Variants in RARB observed in about 807,000 individuals in gnomAD.
RARB encodes retinoic acid receptor beta.
A neutral mutation model predicts 51.9 loss-of-function variants in RARB; 17 were observed. The observed-to-expected ratio is 0.33, with a 90% CI of 0.22 to 0.49. The LOEUF is 0.49. Ranked by LOEUF, RARB falls within the 20% of genes least tolerant of loss-of-function variation. RARB has a pLI of 0.99. For synonymous variants in RARB, 215 were observed against 195.4 expected (o/e 1.10, Z -0.84); for missense variants, 369 against 550.8 (o/e 0.67, Z 3.30).
intron 2 of RARB, among the ~76,000 whole-genome samples, chr3:24,957,229 A>G (rs767811889): frequency 6.6e-6 from 1 of 152,166 alleles, no homozygotes; most frequent in Admixed American, 6.5e-5. Flanking sequence ...GTTGTTTCCA[A>G]ATATATTCTA....
chr3:25,080,502 C>G (rs117864364), intron 3 of RARB, among the ~76,000 whole-genome samples: 1 of 152,150 alleles, frequency 6.6e-6, no homozygotes, highest in Non-Finnish European at 1.5e-5. Context: ...ACTGTATTTC[C>G]GCAGCAGCTA....
At chr3:25,374,497 C>G (rs886906368) in intron 5 of RARB, among the ~76,000 whole-genome samples, 3 of 152,100 alleles carry the variant, frequency 2.0e-5, no homozygotes, top group Non-Finnish European at 2.9e-5. Flanking sequence ...GTTACCAAAT[C>G]ATGGAGAGTA....
intron 2 of RARB, among the ~76,000 whole-genome samples, chr3:24,917,300 G>C (rs1695126779): frequency 6.6e-6 from 1 of 152,108 alleles, no homozygotes; most frequent in African/African-American, 2.4e-5. Flanking sequence ...ATGATTCATA[G>C]AGGAAAAAAA....
chr3:24,872,221 C>T (rs939445596), intron 2 of RARB, among the ~76,000 whole-genome samples: 1 of 152,148 alleles, frequency 6.6e-6, no homozygotes, highest in African/African-American at 2.4e-5. Flanking sequence ...TACCATTATC[C>T]CCCTTGCACA....
intron 2 of RARB, among the ~76,000 whole-genome samples, chr3:25,030,986 T>C (rs1339541579): frequency 1.3e-5 from 2 of 152,198 alleles, no homozygotes; most frequent in African/African-American, 4.8e-5. Context: ...CCTTCTACTA[T>C]AGGAATGTAA....
intron 5 of RARB, among the ~76,000 whole-genome samples, chr3:25,376,059 G>T (rs1197855155): frequency 6.6e-6 from 1 of 152,204 alleles, no homozygotes; most frequent in African/African-American, 2.4e-5. Flanking sequence ...CCCATAGGGA[G>T]TACTCTGTAA....
At chr3:25,428,184 C>T, upstream of RARB, 2 of 1,185,470 alleles carry the variant, frequency 1.7e-6, no homozygotes, top group African/African-American at 1.6e-5. Flanking sequence ...CTAGTTGGGT[C>T]ATTTGAAGGT....
At chr3:25,176,045 A>G (rs941033525) in intron 5 of RARB, among the ~76,000 whole-genome samples, 4 of 152,288 alleles carry the variant, frequency 2.6e-5, no homozygotes, top group South Asian at 2.1e-4. Context: ...AATTTTACCT[A>G]TGAGCCTCTG....
intron 5 of RARB, among the ~76,000 whole-genome samples, chr3:25,189,605 G>C (rs1410921497): frequency 6.6e-6 from 1 of 152,060 alleles, no homozygotes; most frequent in East Asian, 1.9e-4. Flanking sequence ...CTCAGTTGTT[G>C]GGCTGGCATG....
intron 5 of RARB, among the ~76,000 whole-genome samples, chr3:25,183,205 T>C (rs879318086): frequency 2.0e-4 from 30 of 152,214 alleles, no homozygotes; most frequent in African/African-American, 6.5e-4. Context: ...TTTGTCCTTA[T>C]AATGACTTTC....
chr3:25,316,127 G>T (rs1399979556), intron 5 of RARB, among the ~76,000 whole-genome samples: 1 of 152,108 alleles, frequency 6.6e-6, no homozygotes, highest in African/African-American at 2.4e-5. Context: ...GATGTCTATT[G>T]TCTGTATAAG....
At position 25,174,879 on chromosome 3, in the gene RARB, A is replaced by G. The variant is rs147237538; in HGVS notation, c.178+304A>G. 2.2e-3 allele frequency among the ~76,000 whole-genome samples: 332 copies of G among 152,350 alleles called. 5 individuals are homozygous for G. Among genetic ancestry groups the G allele is most frequent in the East Asian group, 9.3e-3 (48 of 5,186 alleles). On this transcript the variant is annotated intron_variant, in intron 5 of 11. Coordinates refer to the RARB transcript ENST00000383772. ...TGATCAATATCTAAAGAAATTGGCC[A>G]TATGATAAATAATGGAAGCAGTGAA...
chr3:25,089,269 GA>G (rs546213373), intron 3 of RARB, among the ~76,000 whole-genome samples: 45 of 150,074 alleles, frequency 3.0e-4, no homozygotes, highest in African/African-American at 1.0e-3. Context: ...AGCATGCACA[GA>G]AAAAAAAAGT....
chr3:25,067,778 T>A (rs915248600), intron 3 of RARB, among the ~76,000 whole-genome samples: 16 of 152,306 alleles, frequency 1.1e-4, no homozygotes, highest in African/African-American at 3.4e-4. Context: ...AGGTTATATC[T>A]GTTCTTTTGC....
intron 1 of RARB, among the ~76,000 whole-genome samples, chr3:24,839,230 T>C (rs570857014): frequency 6.6e-6 from 1 of 152,222 alleles, no homozygotes; most frequent in South Asian, 2.1e-4. Context: ...TGTTAATCCA[T>C]AGTAAAAAAT....
chr3:25,008,148 A>C (rs982766930), intron 2 of RARB, among the ~76,000 whole-genome samples: 1 of 152,094 alleles, frequency 6.6e-6, no homozygotes, highest in Admixed American at 6.6e-5. Flanking sequence ...CTACAAGCTG[A>C]TGTCTGACTC....
At chr3:25,119,384 G>A (rs1160793031) in intron 3 of RARB, among the ~76,000 whole-genome samples, 1 of 152,120 alleles carries the variant, frequency 6.6e-6, no homozygotes, top group African/African-American at 2.4e-5. Context: ...GTTTGCTACA[G>A]TTTTGTCAAC....
intron 5 of RARB, among the ~76,000 whole-genome samples, chr3:25,358,988 G>A (rs1705839260): frequency 6.6e-6 from 1 of 151,710 alleles, no homozygotes; most frequent in Non-Finnish European, 1.5e-5. Context: ...GATGATGCTG[G>A]TCTCATAAAA....
intron 3 of RARB, among the ~76,000 whole-genome samples, chr3:25,129,775 T>G (rs1032922282): frequency 3.9e-5 from 6 of 152,122 alleles, no homozygotes; most frequent in African/African-American, 1.4e-4. Flanking sequence ...AATTTTCTGT[T>G]TACCTAAATG....
Sources: allele counts gnomAD v4.1 joint callset (sites outside exome capture counted in the v4.1 genomes callset), GRCh38; gene constraint gnomAD v4.1.1; transcripts MANE v1.5; gene names NCBI Gene and HGNC (gene_info 2026-07-23, HGNC 2026-07-21).